Variants in NCOR2 observed in about 807,000 individuals in gnomAD.
NCOR2 encodes CTG repeat protein 26.
A neutral mutation model predicts 262.9 loss-of-function variants in NCOR2; 81 were observed. The observed-to-expected ratio is 0.31, with a 90% CI of 0.26 to 0.37. The LOEUF is 0.37. Ranked by LOEUF, NCOR2 falls within the 10% of genes least tolerant of loss-of-function variation. The pLI is 1.00. For missense variants in NCOR2, 3,385 were observed against 3,621.4 expected, an observed-to-expected ratio of 0.93 and a Z score of 1.68; for synonymous variants, 1,659 against 1,559.3, an observed-to-expected ratio of 1.06 and a Z score of -1.51.
upstream of NCOR2, among the ~76,000 whole-genome samples, chr12:124,500,021 G>A (rs749072625): frequency 3.3e-5 from 5 of 152,140 alleles, no homozygotes; most frequent in Non-Finnish European, 7.4e-5. Flanking sequence ...GGCCCGCTGC[G>A]AGGACCCTGT....
intron 43 of NCOR2, 139 bp from the exon 46 acceptor site, chr12:124,331,037 T>C: frequency 1.3e-6 from 1 of 761,116 alleles, no homozygotes; most frequent in Non-Finnish European, 2.1e-6. Context: ...GCAGCAGGCC[T>C]GGGACAGGGC....
At chr12:124,402,604 G>T in intron 13 of NCOR2, 43 bp from the exon 16 acceptor site, 1 of 1,544,354 alleles carries the variant, frequency 6.5e-7, no homozygotes. Context: ...GGGGAGGGAA[G>T]AAAACCGTGA....
At chr12:124,402,014 C>CA (rs2042011293) in intron 14 of NCOR2, among the ~76,000 whole-genome samples, 3 of 152,196 alleles carry the variant, frequency 2.0e-5, no homozygotes, top group Admixed American at 2.0e-4. Context: ...CTAGTCCTTC[C>CA]AGGAGGGCCT....
chr12:124,385,157 T>C (rs2040705072), intron 17 of NCOR2, among the ~76,000 whole-genome samples: 1 of 152,140 alleles, frequency 6.6e-6, no homozygotes, highest in African/African-American at 2.4e-5. Flanking sequence ...AGAGGCCATT[T>C]ACACGCTGGC....
intron 13 of NCOR2, among the ~76,000 whole-genome samples, chr12:124,407,245 A>T (rs2042325883): frequency 6.6e-6 from 1 of 152,268 alleles, no homozygotes; most frequent in African/African-American, 2.4e-5. Flanking sequence ...ATTTAGGTTG[A>T]CAAAGACAGG....
rs368900171 is a variant in NCOR2, at chr12:124,337,190, G to A, written c.5688-10C>T. 6.5e-7 allele frequency: 1 copy of A among 1,545,444 alleles called. No homozygotes were observed. The highest frequency in any genetic ancestry group is 1.4e-5 in the African/African-American group (1 of 73,098). On this transcript the variant is annotated splice_polypyrimidine_tract_variant and intron_variant, in intron 37 of 46. Coordinates refer to ENST00000405201, the Ensembl canonical transcript of NCOR2. Reference sequence around the variant, plus strand: ...GGAGGTGGAGGTGGACCTGGGGGAGGAGAGAAGGCGGTCAGGCAGTCATGG... The same window carrying A: ...GGAGGTGGAGGTGGACCTGGGGGAGAAGAGAAGGCGGTCAGGCAGTCATGG...
At chr12:124,455,228 T>A (rs147520206) in intron 6 of NCOR2, among the ~76,000 whole-genome samples, 1 of 152,188 alleles carries the variant, frequency 6.6e-6, no homozygotes, top group Non-Finnish European at 1.5e-5. Flanking sequence ...GTGAATGGCA[T>A]GCGTGTGAAT....
At chr12:124,416,095 T>C (rs144564140) in intron 13 of NCOR2, among the ~76,000 whole-genome samples, 5 of 152,116 alleles carry the variant, frequency 3.3e-5, no homozygotes, top group Admixed American at 1.3e-4. Flanking sequence ...TGGCCAAGCG[T>C]CCACTGGAGC....
At chr12:124,391,895 T>C (rs555113475) in intron 16 of NCOR2, among the ~76,000 whole-genome samples, 4 of 152,352 alleles carry the variant, frequency 2.6e-5, no homozygotes, top group Admixed American at 2.6e-4. Context: ...CACGTTTTCC[T>C]ACAGAGCAGA....
At chr12:124,438,051 C>A (rs922205704) in intron 7 of NCOR2, 55 bp from the exon 10 acceptor site, 4 of 1,530,902 alleles carry the variant, frequency 2.6e-6, no homozygotes, top group East Asian at 2.4e-5. Flanking sequence ...AGGCGCTGCA[C>A]CCCGTGCCAT....
exon 20 of NCOR2, chr12:124,372,310 C>A: frequency 6.5e-7 from 1 of 1,529,578 alleles, no homozygotes; most frequent in Non-Finnish European, 8.8e-7. Context: ...CTGCTCCTCC[C>A]CCTCCTCCAC....
rs200267081 is a variant in NCOR2 at position 124,385,726 on chromosome 12, A to G, written c.2019+19T>C. On this transcript the variant is annotated intron_variant, in intron 17 of 46. Coordinates refer to ENST00000405201, the Ensembl canonical transcript of NCOR2. The stretch of plus-strand genomic sequence containing the variant: ...TCCCAGCTTCCCAGAGGCGCGGTGC[A>G]GCGTGACTGGGGGCTCACCATCTTC... 7.0e-5 allele frequency: 113 copies of G among 1,612,340 alleles called. No individual in the cohort carries two copies. The highest frequency in any genetic ancestry group is 9.1e-5 in the Non-Finnish European group (107 of 1,179,418).
chr12:124,382,076 C>T (rs1401568758), intron 17 of NCOR2, among the ~76,000 whole-genome samples: 1 of 152,178 alleles, frequency 6.6e-6, no homozygotes, highest in Non-Finnish European at 1.5e-5. Flanking sequence ...TCTTCCTGTA[C>T]TCCAGACAGG....
At chr12:124,501,189 C>T (rs1436666199) in intron 1 of NCOR2, among the ~76,000 whole-genome samples, 1 of 152,104 alleles carries the variant, frequency 6.6e-6, no homozygotes, top group African/African-American at 2.4e-5. Flanking sequence ...GGAACACAGG[C>T]CGTGCCTCCA....
Position 124,457,432 on chromosome 12 carries a change from G to C in NCOR2, c.706-270C>G, listed in dbSNP as rs535370604. Among the ~76,000 whole-genome samples the C allele has an allele frequency of 3.3e-5, 5 of 152,074 alleles. No homozygotes were observed. The highest frequency in any genetic ancestry group is 7.4e-5 in the Non-Finnish European group (5 of 68,008). ...CCGGGTCCACTGAAGCCTGCTCCCC[G>C]GCAGGCGCGCAGGCCTCGCTCCCCC... is the stretch of plus-strand genomic sequence containing the variant. On this transcript the variant is annotated intron_variant, in intron 5 of 46. Transcript: ENST00000405201. This position sits in a 1 kb window ranked among gnomAD's most constrained non-coding sequence, Gnocchi z 4.0.
At chr12:124,402,248 G>A (rs1313288225) in intron 14 of NCOR2, among the ~76,000 whole-genome samples, 156 bp downstream of exon 16, 1 of 151,786 alleles carries the variant, frequency 6.6e-6, no homozygotes, top group Non-Finnish European at 1.5e-5. Context: ...CTTCCGGAAG[G>A]GGGGCTGTCA....
Position 124,378,092 on chromosome 12 carries a change from C to CA in NCOR2, c.2167+144dup. On this transcript the variant is annotated intron_variant, in intron 18 of 46. Coordinates refer to ENST00000405201, the Ensembl canonical transcript of NCOR2. The surrounding 1 kb of genome is among the most constrained non-coding windows in gnomAD (Gnocchi z 4.2). ...GTGAGTTTCTGGCAAGTCAGGCCCG[C>CA]ACCTTCCAGGGAGTCGAGGCCCCTT... The CA allele has an allele frequency of 4.1e-6, 6 of 1,481,386 alleles. No homozygotes were observed. The South Asian group carries it at 6.8e-5, about 17-fold the overall frequency. 91.8% of individuals were successfully genotyped at this position (1,481,386 alleles called of 1,614,324 possible).
At chr12:124,436,056 C>T (rs1046733268) in intron 8 of NCOR2, among the ~76,000 whole-genome samples, 1 of 152,242 alleles carries the variant, frequency 6.6e-6, no homozygotes, top group Non-Finnish European at 1.5e-5. Flanking sequence ...CACGACCTGT[C>T]CCTGCAGCCT....
Position 124,475,053 on chromosome 12 carries a change from G to GC in NCOR2, c.412-1923dup, listed in dbSNP as rs772878181. The stretch of plus-strand genomic sequence containing the variant: ...CTCTGTCCTCCCCTCACCCCACAGA[G>GC]CCCCAGCAAGACCCACAGGGGCCAA... On this transcript the variant is annotated intron_variant, in intron 3 of 46. Transcript: ENST00000405201. 1.8e-4 allele frequency among the ~76,000 whole-genome samples: 28 copies of GC among 152,164 alleles called. 1 individual carries two copies. The highest frequency in any genetic ancestry group is 1.0e-3 in the South Asian group (5 of 4,820).
Sources: allele counts gnomAD v4.1 joint callset (sites outside exome capture counted in the v4.1 genomes callset), GRCh38; gene constraint gnomAD v4.1.1; non-coding constraint Gnocchi (gnomAD v3.1); transcripts MANE v1.5; gene names NCBI Gene and HGNC (gene_info 2026-07-23, HGNC 2026-07-21).